SLCO6A1: variants seen among roughly 807,000 people sequenced by gnomAD.
SLCO6A1 encodes cancer/testis antigen 48.
Under a neutral mutation model 72.7 loss-of-function variants are expected in SLCO6A1, and 65 were observed. That is an observed-to-expected ratio of 0.89 (90% CI 0.73 to 1.10). The LOEUF (loss-of-function observed/expected upper bound fraction) is 1.10, where lower values mean the gene tolerates loss of function less well. Ranked by LOEUF, SLCO6A1 falls within the 50% of genes least tolerant of loss-of-function variation. The pLI, the probability that SLCO6A1 is intolerant of heterozygous loss-of-function variation, is 0.00. For synonymous variants in SLCO6A1, 314 were observed against 298.2 expected (o/e 1.05, Z -0.55); for missense variants, 874 against 872.6 (o/e 1.00, Z -0.02).
At chr5:102,381,778 A>G (rs1244651093) in intron 12 of SLCO6A1, among the ~76,000 whole-genome samples, 2 of 140,950 alleles carry the variant, frequency 1.4e-5, no homozygotes, top group Non-Finnish European at 3.0e-5. Flanking sequence ...ATGTGAGGTG[A>G]TATCTCATTG....
chr5:102,375,855 A>G (rs1745755562), intron 12 of SLCO6A1, among the ~76,000 whole-genome samples: 1 of 152,132 alleles, frequency 6.6e-6, no homozygotes, highest in South Asian at 2.1e-4. Flanking sequence ...GAAAAATGAG[A>G]TAAAATAAAT....
intron 12 of SLCO6A1, among the ~76,000 whole-genome samples, chr5:102,384,027 G>T (rs1358431399): frequency 1.3e-5 from 2 of 151,694 alleles, no homozygotes; most frequent in Admixed American, 6.6e-5. Context: ...AACTTTCAAT[G>T]TGTTATCTTT....
At chr5:102,458,267 A>C (rs1392434641) in intron 6 of SLCO6A1, 115 bp downstream of exon 6, 2 of 717,768 alleles carry the variant, frequency 2.8e-6, no homozygotes, top group Non-Finnish European at 4.6e-6. Context: ...AAAAGAAAAA[A>C]AAAGTCTCAC....
chr5:102,441,776 ATT>A (rs1188064010), intron 6 of SLCO6A1, among the ~76,000 whole-genome samples: 1 of 151,882 alleles, frequency 6.6e-6, no homozygotes. Context: ...TGTTAAATAA[ATT>A]TCTGAATTAC....
At chr5:102,393,072 C>A (rs955195237) in intron 10 of SLCO6A1, among the ~76,000 whole-genome samples, 6 of 152,004 alleles carry the variant, frequency 3.9e-5, no homozygotes, top group African/African-American at 1.2e-4. Flanking sequence ...AAATTTTTTT[C>A]ATATCTCTTT....
intron 7 of SLCO6A1, among the ~76,000 whole-genome samples, chr5:102,426,124 C>T (rs1267008162): frequency 6.6e-6 from 1 of 151,970 alleles, no homozygotes; most frequent in Non-Finnish European, 1.5e-5. Flanking sequence ...TAACTCAAGA[C>T]AGATATAAGA....
chr5:102,412,240 C>T (rs1245292198), intron 9 of SLCO6A1, among the ~76,000 whole-genome samples: 2 of 151,590 alleles, frequency 1.3e-5, no homozygotes, highest in Admixed American at 6.6e-5. Context: ...TGACTGATGT[C>T]TCATGCCTCC....
In SLCO6A1 at chr5:102,376,291, G is replaced by C. The variant is rs1475278968; in HGVS notation, c.2018-2797C>G. On this transcript the variant is annotated intron_variant, in intron 12 of 13. Coordinates refer to ENST00000506729, the MANE Select transcript of SLCO6A1 (RefSeq NM_173488.5). ...GAAATGCTAAAAAAGATGTTCTTCA[G>C]GTGCCTATACTAGAGAGAATATTGC... 2.0e-5 allele frequency among the ~76,000 whole-genome samples: 3 copies of C among 152,026 alleles called. No individual in the cohort carries two copies. The East Asian group carries it at 5.8e-4, about 29-fold the overall frequency.
intron 12 of SLCO6A1, among the ~76,000 whole-genome samples, chr5:102,379,258 T>C (rs1745982168): frequency 6.6e-6 from 1 of 152,206 alleles, no homozygotes; most frequent in African/African-American, 2.4e-5. Flanking sequence ...TCTTTTATCT[T>C]AATTTTTTTG....
intron 12 of SLCO6A1, among the ~76,000 whole-genome samples, chr5:102,379,616 A>C (rs1745997873): frequency 6.6e-6 from 1 of 152,056 alleles, no homozygotes; most frequent in Non-Finnish European, 1.5e-5. Context: ...CAATGTGTTG[A>C]TGCTTGCACC....
chr5:102,381,186 C>A (rs1484802380), intron 12 of SLCO6A1, among the ~76,000 whole-genome samples: 1 of 151,706 alleles, frequency 6.6e-6, no homozygotes, highest in South Asian at 2.1e-4. Flanking sequence ...TTTATTACTT[C>A]TGTCTAACTA....
chr5:102,417,546 A>T (rs1278239692), intron 8 of SLCO6A1, among the ~76,000 whole-genome samples: 1 of 152,088 alleles, frequency 6.6e-6, no homozygotes, highest in Non-Finnish European at 1.5e-5. Context: ...TACATTTTTA[A>T]CTTAACACAG....
In SLCO6A1 at chr5:102,419,875, C is replaced by A; in HGVS notation, c.1423G>T (p.Val475Leu). The A allele has an allele frequency of 6.2e-7, 1 of 1,607,434 alleles. No homozygotes were observed. Among genetic ancestry groups the A allele is most frequent in the East Asian group, 2.2e-5 (1 of 44,558 alleles). Residue 475 changes from valine (V) to leucine (L), a missense_variant, in exon 8 of 14, where the codon GTA (valine) becomes TTA (leucine). Coordinates refer to ENST00000506729, the MANE Select transcript of SLCO6A1 (RefSeq NM_173488.5). Reference protein sequence around the residue: ...SLILLVFIIFVRCNPVQFAGI... With the variant: ...SLILLVFIIFLRCNPVQFAGI... ...GCAAATTGCACTGGATTACAGCGTACAAAAATAATAAACACAAGCAGTATA... is the reference window on the plus strand; with the variant it reads ...GCAAATTGCACTGGATTACAGCGTAAAAAAATAATAAACACAAGCAGTATA...
At chr5:102,482,621 T>C (rs1449821949) in intron 1 of SLCO6A1, among the ~76,000 whole-genome samples, 1 of 152,232 alleles carries the variant, frequency 6.6e-6, no homozygotes, top group Non-Finnish European at 1.5e-5. Flanking sequence ...CCAAAAGTTC[T>C]GGTTATTGAG....
Position 102,492,998 on chromosome 5 carries a change from C to T in SLCO6A1, c.358+5489G>A, listed in dbSNP as rs1752751461. Among the ~76,000 whole-genome samples, 3 of 152,162 alleles carry T rather than the reference C, an allele frequency of 2.0e-5. No individual in the cohort carries two copies. In the South Asian group the frequency reaches 6.2e-4, roughly 32 times the overall value. On this transcript the variant is annotated intron_variant, in intron 1 of 13. Transcript: ENST00000506729. The stretch of plus-strand genomic sequence containing the variant: ...AAACAAAAGGCAGCAGAAACCTCTG[C>T]AGACTTAAATGTCTCTGTCTGACAG...
intron 8 of SLCO6A1, among the ~76,000 whole-genome samples, chr5:102,418,227 T>C (rs553491735): frequency 8.5e-5 from 13 of 152,188 alleles, no homozygotes; most frequent in Non-Finnish European, 1.5e-4. Flanking sequence ...TATATACATA[T>C]ACTTTTTGCT....
intron 9 of SLCO6A1, among the ~76,000 whole-genome samples, chr5:102,411,665 T>C (rs1747990981): frequency 6.6e-6 from 1 of 151,612 alleles, no homozygotes; most frequent in Non-Finnish European, 1.5e-5. Flanking sequence ...CTTCAAACCA[T>C]AAATTCTCAT....
At chr5:102,426,816 C>A (rs1025832020) in intron 7 of SLCO6A1, among the ~76,000 whole-genome samples, 5 of 152,130 alleles carry the variant, frequency 3.3e-5, no homozygotes, top group African/African-American at 1.2e-4. Flanking sequence ...GACACATGCA[C>A]AAGTATGTTT....
chr5:102,448,241 T>C (rs1489403588), intron 6 of SLCO6A1, among the ~76,000 whole-genome samples: 3 of 152,198 alleles, frequency 2.0e-5, no homozygotes, highest in African/African-American at 7.2e-5. Flanking sequence ...AGAGTGCAGT[T>C]GGTATGATTT....
Sources: allele counts gnomAD v4.1 joint callset (sites outside exome capture counted in the v4.1 genomes callset), GRCh38; gene constraint gnomAD v4.1.1; transcripts MANE v1.5; gene names NCBI Gene and HGNC (gene_info 2026-07-23, HGNC 2026-07-21).